NAV2: variants seen among roughly 807,000 people sequenced by gnomAD.
NAV2 encodes neuron navigator 2.
NAV2 carries 54 observed loss-of-function variants against 223.2 expected under a neutral mutation model. The observed-to-expected ratio is 0.24, with a 90% confidence interval of 0.19 to 0.30. The LOEUF (loss-of-function observed/expected upper bound fraction) is 0.30. Among genes scored for constraint, NAV2 ranks in the 10% least tolerant of loss-of-function variants. NAV2 has a pLI of 1.00. For missense variants in NAV2, 2,806 were observed against 3,147.5 expected (o/e 0.89, Z 2.60); for synonymous variants, 1,279 against 1,239.3 (o/e 1.03, Z -0.67).
At chr11:20,009,881 C>A (rs2053421766) in intron 11 of NAV2, among the ~76,000 whole-genome samples, 1 of 152,144 alleles carries the variant, frequency 6.6e-6, no homozygotes, top group Non-Finnish European at 1.5e-5. Context: ...CTTCTCTACC[C>A]CACACCAAAG....
chr11:19,424,487 T>A (rs1203981120), intron 1 of NAV2, among the ~76,000 whole-genome samples: 1 of 152,228 alleles, frequency 6.6e-6, no homozygotes, highest in South Asian at 2.1e-4. Context: ...TAAGAAGCGG[T>A]CAAATTAGGG....
chr11:20,016,435 A>C (rs1483129682), intron 11 of NAV2, among the ~76,000 whole-genome samples: 1 of 152,250 alleles, frequency 6.6e-6, no homozygotes, highest in East Asian at 1.9e-4. Flanking sequence ...AGATTAAGGA[A>C]TATGTGTGCT....
At chr11:19,463,419 C>A (rs546786586) in intron 1 of NAV2, among the ~76,000 whole-genome samples, 15 of 152,344 alleles carry the variant, frequency 9.8e-5, no homozygotes, top group African/African-American at 3.6e-4. Context: ...ATTGTGGTAT[C>A]ATTTCACACT....
intron 1 of NAV2, among the ~76,000 whole-genome samples, chr11:19,812,360 C>T (rs898401140): frequency 6.6e-6 from 1 of 152,068 alleles, no homozygotes; most frequent in Non-Finnish European, 1.5e-5. Context: ...TATCCCTCCA[C>T]TCCTGGCCAT....
intron 1 of NAV2, among the ~76,000 whole-genome samples, chr11:19,493,099 C>T (rs1246193190): frequency 6.6e-6 from 1 of 152,208 alleles, no homozygotes; most frequent in Admixed American, 6.5e-5. Flanking sequence ...ACATAAGGCA[C>T]TTCACACAGT....
At chr11:19,738,635 T>C (rs1186397483) in intron 1 of NAV2, among the ~76,000 whole-genome samples, 2 of 152,184 alleles carry the variant, frequency 1.3e-5, no homozygotes, top group African/African-American at 4.8e-5. Flanking sequence ...TAGGGGATAC[T>C]GGGGAGAATG....
At chr11:19,410,536 A>G (rs1850100769) in intron 1 of NAV2, among the ~76,000 whole-genome samples, 1 of 152,202 alleles carries the variant, frequency 6.6e-6, no homozygotes, top group Non-Finnish European at 1.5e-5. Flanking sequence ...ATTTGAACCC[A>G]GGGGATTTGG....
intron 1 of NAV2, among the ~76,000 whole-genome samples, chr11:19,387,755 T>A (rs1267819844): frequency 2.0e-5 from 3 of 152,224 alleles, no homozygotes; most frequent in Non-Finnish European, 4.4e-5. Context: ...TTTCTTTAAG[T>A]CTTCCTCTTT....
chr11:19,641,738 T>C (rs558748951), intron 1 of NAV2, among the ~76,000 whole-genome samples: 2 of 152,158 alleles, frequency 1.3e-5, no homozygotes, highest in African/African-American at 4.8e-5. Context: ...AGGCTTTGGC[T>C]CAAATGCCCC....
At chr11:19,444,903 G>T (rs1851529560) in intron 1 of NAV2, among the ~76,000 whole-genome samples, 1 of 152,066 alleles carries the variant, frequency 6.6e-6, no homozygotes, top group Non-Finnish European at 1.5e-5. Context: ...TTATAAATAG[G>T]CATATGGATA....
intron 3 of NAV2, among the ~76,000 whole-genome samples, chr11:19,857,412 G>T (rs1565438020): frequency 6.6e-6 from 1 of 152,230 alleles, no homozygotes; most frequent in Non-Finnish European, 1.5e-5. Flanking sequence ...TGGAGTGATT[G>T]TTTACTTAAA....
intron 1 of NAV2, among the ~76,000 whole-genome samples, chr11:19,763,640 G>A (rs1037811308): frequency 6.6e-6 from 1 of 152,040 alleles, no homozygotes; most frequent in Non-Finnish European, 1.5e-5. Flanking sequence ...ATACCAATCC[G>A]TACTCGCATA....
At chr11:19,351,510 T>A (rs1011747250) in intron 1 of NAV2, among the ~76,000 whole-genome samples, 3 of 152,192 alleles carry the variant, frequency 2.0e-5, no homozygotes, top group Non-Finnish European at 4.4e-5. Flanking sequence ...GTCACAGCCA[T>A]TTAAAATGGC....
intron 10 of NAV2, among the ~76,000 whole-genome samples, chr11:19,971,941 G>A (rs531346771): frequency 6.8e-4 from 104 of 152,204 alleles, no homozygotes; most frequent in Non-Finnish European, 1.3e-3. Context: ...GACCTCAGGT[G>A]ATCCACCCAC....
In NAV2 at chr11:20,113,799, A is replaced by G. The variant is rs184551974; in HGVS notation, c.6961-793A>G. Among the ~76,000 whole-genome samples the G allele has an allele frequency of 2.3e-3, 346 of 152,320 alleles. 1 individual carries two copies. Among genetic ancestry groups the G allele is most frequent in the African/African-American group, 8.0e-3 (332 of 41,558 alleles). Reference sequence around the variant, plus strand: ...CAAGGCACGAGGATTGTTTGAGCCCAGAAGTTCAAGACCAGCCTGGGCAAT... The same window carrying G: ...CAAGGCACGAGGATTGTTTGAGCCCGGAAGTTCAAGACCAGCCTGGGCAAT... On this transcript the variant is annotated intron_variant, in intron 36 of 37. Transcript: ENST00000349880.
At chr11:19,676,858 G>A (rs560869903) in intron 1 of NAV2, among the ~76,000 whole-genome samples, 1 of 152,248 alleles carries the variant, frequency 6.6e-6, no homozygotes, top group Admixed American at 6.5e-5. Flanking sequence ...CTTTTTACGG[G>A]GATAAAAGTA....
At chr11:19,858,135 C>T (rs557283061) in intron 3 of NAV2, among the ~76,000 whole-genome samples, 2 of 152,340 alleles carry the variant, frequency 1.3e-5, no homozygotes, top group Non-Finnish European at 2.9e-5. Flanking sequence ...GGATTAAAGG[C>T]GTGAGCCACC....
chr11:19,529,215 A>G (rs2043947487), intron 1 of NAV2, among the ~76,000 whole-genome samples: 1 of 152,334 alleles, frequency 6.6e-6, no homozygotes, highest in South Asian at 2.1e-4. Context: ...TGTTCCTTGG[A>G]TTAGCTCTTG....
intron 11 of NAV2, among the ~76,000 whole-genome samples, chr11:20,023,337 C>T (rs2054689872): frequency 6.6e-6 from 1 of 152,090 alleles, no homozygotes; most frequent in South Asian, 2.1e-4. Context: ...ACCTCTTCTC[C>T]TCTTCCGCCC....
Sources: gnomAD v4.1 joint callset for allele counts (sites outside exome capture counted in the v4.1 genomes callset) on GRCh38, gnomAD v4.1.1 for gene constraint, MANE v1.5 for transcripts, NCBI Gene and HGNC (gene_info 2026-07-23, HGNC 2026-07-21) for gene names.